ZNF407: variants seen among roughly 807,000 people sequenced by gnomAD.
ZNF407 encodes zinc finger protein 407.
ZNF407 carries 17 observed loss-of-function variants against 131.2 expected under a neutral mutation model. The ratio of observed to expected loss-of-function variants is 0.13; its 90% CI spans 0.09 to 0.19. The LOEUF is 0.19. ZNF407 is among the 10% of genes least tolerant of loss of function. The pLI is 1.00. For synonymous variants in ZNF407, 1,156 were observed against 1,062.0 expected (o/e 1.09, Z -1.72); for missense variants, 2,681 against 2,830.6 (o/e 0.95, Z 1.20).
intron 8 of ZNF407, among the ~76,000 whole-genome samples, chr18:74,968,455 G>A (rs560499242): frequency 2.6e-5 from 4 of 152,152 alleles, no homozygotes; most frequent in African/African-American, 4.8e-5. Context: ...TCTTGTGTTC[G>A]AATAACTCCC....
chr18:74,851,111 T>C (rs1429031425), intron 4 of ZNF407, among the ~76,000 whole-genome samples: 1 of 152,240 alleles, frequency 6.6e-6, no homozygotes, highest in East Asian at 1.9e-4. Context: ...GTGTAGAAAA[T>C]GTTTAAAAGT....
At chr18:74,863,656 C>T (rs564185420) in intron 4 of ZNF407, among the ~76,000 whole-genome samples, 4 of 152,144 alleles carry the variant, frequency 2.6e-5, no homozygotes, top group Admixed American at 6.5e-5. Context: ...ATTTTTCAGA[C>T]TGCAGCGAAT....
At chr18:74,741,151 G>T (rs1037406492) in intron 3 of ZNF407, among the ~76,000 whole-genome samples, 4 of 152,148 alleles carry the variant, frequency 2.6e-5, no homozygotes, top group Admixed American at 6.6e-5. Flanking sequence ...AACCAAGGCA[G>T]TAAACCAGTT....
intron 8 of ZNF407, among the ~76,000 whole-genome samples, chr18:75,008,608 T>A (rs1207715147): frequency 6.6e-6 from 1 of 152,242 alleles, no homozygotes; most frequent in Non-Finnish European, 1.5e-5. Context: ...CATTCTTTCT[T>A]ATTAGTCATT....
chr18:74,825,265 C>T (rs931799151), intron 4 of ZNF407, among the ~76,000 whole-genome samples: 20 of 152,124 alleles, frequency 1.3e-4, no homozygotes, highest in African/African-American at 4.6e-4. Context: ...GGAAGCATTC[C>T]CTTTGTAAAC....
chr18:74,721,019 A>G (rs954120186), intron 3 of ZNF407, among the ~76,000 whole-genome samples: 2 of 117,828 alleles, frequency 1.7e-5, no homozygotes, highest in Non-Finnish European at 3.7e-5. Context: ...TTTTTTTTCT[A>G]TTTGGGTGAA....
chr18:74,803,492 A>G (rs1032073107), intron 4 of ZNF407, among the ~76,000 whole-genome samples: 1 of 152,222 alleles, frequency 6.6e-6, no homozygotes, highest in African/African-American at 2.4e-5. Context: ...GAAAGTGACA[A>G]AATTCATTTT....
chr18:74,763,213 T>TTG (rs1464834194), intron 3 of ZNF407, among the ~76,000 whole-genome samples: 1 of 141,776 alleles, frequency 7.1e-6, no homozygotes, highest in East Asian at 2.0e-4. Context: ...TTTTTTTTTT[T>TTG]TTTTTTTTTT....
At chr18:74,981,784 C>A (rs1397989672) in intron 8 of ZNF407, among the ~76,000 whole-genome samples, 1 of 152,152 alleles carries the variant, frequency 6.6e-6, no homozygotes, top group East Asian at 1.9e-4. Context: ...GGATTGTTTT[C>A]CAGTTACAAT....
At chr18:74,837,560 A>G (rs951829096) in intron 4 of ZNF407, among the ~76,000 whole-genome samples, 8 of 152,144 alleles carry the variant, frequency 5.3e-5, no homozygotes, top group African/African-American at 1.7e-4. Context: ...CTCATTGAAC[A>G]TTTTTAATTT....
chr18:74,706,940 C>CTTT (rs34700805), intron 3 of ZNF407, among the ~76,000 whole-genome samples: 3 of 132,350 alleles, frequency 2.3e-5, no homozygotes, highest in African/African-American at 6.0e-5. Context: ...AAGACAGCAG[C>CTTT]TTTTTTTTTT....
At chr18:74,715,583 TC>T (rs1967875598) in intron 3 of ZNF407, among the ~76,000 whole-genome samples, 1 of 152,192 alleles carries the variant, frequency 6.6e-6, no homozygotes. Context: ...CCAGAGGGCC[TC>T]CTGTCCCAGC....
chr18:74,930,706 G>C (rs987009808), intron 8 of ZNF407, among the ~76,000 whole-genome samples: 15 of 152,220 alleles, frequency 9.9e-5, no homozygotes, highest in African/African-American at 2.9e-4. Flanking sequence ...CTTACTGAAA[G>C]CACTCCTGCC....
At chr18:74,999,366 A>AAC (rs1972817723) in intron 8 of ZNF407, among the ~76,000 whole-genome samples, 1 of 149,658 alleles carries the variant, frequency 6.7e-6, no homozygotes, top group African/African-American at 2.5e-5. Context: ...AAAAAAAAAA[A>AAC]AAAAAAAAAC....
chr18:74,965,816 A>AT (rs1972402974), intron 8 of ZNF407, among the ~76,000 whole-genome samples: 1 of 152,084 alleles, frequency 6.6e-6, no homozygotes, highest in African/African-American at 2.4e-5. Flanking sequence ...TTTCTTTGGC[A>AT]TTTTTGTTGC....
intron 1 of ZNF407, among the ~76,000 whole-genome samples, chr18:74,627,066 C>T (rs1302326803): frequency 6.6e-6 from 1 of 152,216 alleles, no homozygotes; most frequent in Non-Finnish European, 1.5e-5. Flanking sequence ...GAAAGCCGGA[C>T]TCACCTAGTG....
intron 8 of ZNF407, among the ~76,000 whole-genome samples, chr18:74,956,866 C>G (rs963818211): frequency 2.6e-5 from 4 of 152,108 alleles, no homozygotes; most frequent in African/African-American, 9.7e-5. Flanking sequence ...TAGGGAGAAT[C>G]TGACAAAGTC....
At position 75,007,103 on chromosome 18, in the gene ZNF407, T is replaced by G. The variant is rs116152729; in HGVS notation, c.5429-56047T>G. ...GAAAGTTTCATAGAGCTGGATTTATTGTTTCATAATCCTGTCTGGAAAACT... is the reference window on the plus strand; with the variant it reads ...GAAAGTTTCATAGAGCTGGATTTATGGTTTCATAATCCTGTCTGGAAAACT... On this transcript the variant is annotated intron_variant, in intron 8 of 8. Transcript: ENST00000299687. Among the ~76,000 whole-genome samples the G allele has an allele frequency of 1.7e-3, 264 of 152,342 alleles. 4 individuals carry two copies. Among genetic ancestry groups the G allele is most frequent in the African/African-American group, 6.0e-3 (248 of 41,580 alleles).
At chr18:74,940,469 G>A (rs1183087724) in intron 8 of ZNF407, among the ~76,000 whole-genome samples, 1 of 152,146 alleles carries the variant, frequency 6.6e-6, no homozygotes, top group Non-Finnish European at 1.5e-5. Context: ...CCAGGGTTCT[G>A]TGCAGCTAGA....
Sources: gnomAD v4.1 joint callset for allele counts (sites outside exome capture counted in the v4.1 genomes callset) on GRCh38, gnomAD v4.1.1 for gene constraint, MANE v1.5 for transcripts, NCBI Gene and HGNC (gene_info 2026-07-23, HGNC 2026-07-21) for gene names.